Variants in PSD3 observed in about 807,000 individuals in gnomAD.
The protein encoded by PSD3 is PH and SEC7 domain-containing protein 3.
PSD3 carries 49 observed loss-of-function variants against 105.5 expected under a neutral mutation model. That is an observed-to-expected ratio of 0.46 (90% CI 0.37 to 0.59). The LOEUF is 0.59. Ranked by LOEUF, PSD3 falls within the 20% of genes least tolerant of loss-of-function variation. The pLI, the probability that PSD3 is intolerant of heterozygous loss-of-function variation, is 0.00. For missense variants in PSD3, 1,561 were observed against 1,263.8 expected, an observed-to-expected ratio of 1.24 and a Z score of -3.57; for synonymous variants, 557 against 457.8, an observed-to-expected ratio of 1.22 and a Z score of -2.77.
chr8:18,821,652 T>C (rs1812715830), intron 4 of PSD3, among the ~76,000 whole-genome samples: 1 of 150,448 alleles, frequency 6.6e-6, no homozygotes, highest in African/African-American at 2.4e-5. Flanking sequence ...TAAATAGCAA[T>C]GTCATTTTAA....
intron 2 of PSD3, among the ~76,000 whole-genome samples, chr8:18,910,815 A>G (rs1820168959): frequency 6.6e-6 from 1 of 152,088 alleles, no homozygotes; most frequent in African/African-American, 2.4e-5. Context: ...TTATTTTAAC[A>G]AAGAAATTGT....
intron 10 of PSD3, among the ~76,000 whole-genome samples, chr8:18,649,372 C>T (rs750472835): frequency 3.2e-4 from 49 of 152,222 alleles, no homozygotes; most frequent in Non-Finnish European, 4.9e-4. Flanking sequence ...TAATGACTGT[C>T]CTGCCGGGGT....
At chr8:18,574,107 T>A (rs1045664184) in intron 13 of PSD3, among the ~76,000 whole-genome samples, 2 of 152,066 alleles carry the variant, frequency 1.3e-5, no homozygotes, top group Non-Finnish European at 2.9e-5. Context: ...GTAGAAATGA[T>A]CATGAATCAG....
At chr8:18,883,199 T>C (rs1400009495) in intron 2 of PSD3, among the ~76,000 whole-genome samples, 1 of 152,144 alleles carries the variant, frequency 6.6e-6, no homozygotes, top group African/African-American at 2.4e-5. Context: ...TACAACAATA[T>C]CTACAAGTCA....
intron 1 of PSD3, chr8:19,000,071 A>C (rs1452281424): frequency 6.6e-6 from 1 of 151,092 alleles, no homozygotes; most frequent in African/African-American, 2.4e-5. Flanking sequence ...AGCCACACCG[A>C]GAAGGTAGGA....
chr8:18,870,217 C>T (rs2129457110), intron 3 of PSD3, among the ~76,000 whole-genome samples: 1 of 152,168 alleles, frequency 6.6e-6, no homozygotes, highest in African/African-American at 2.4e-5. Context: ...CAACCCTCGG[C>T]CTTGACACAG....
chr8:18,845,122 G>C (rs1269798476), intron 4 of PSD3, among the ~76,000 whole-genome samples: 3 of 152,106 alleles, frequency 2.0e-5, no homozygotes, highest in South Asian at 4.1e-4. Context: ...ATGGTATCTT[G>C]TCTATTAGAA....
chr8:18,560,225 A>G (rs1468023732), intron 14 of PSD3, among the ~76,000 whole-genome samples: 1 of 150,350 alleles, frequency 6.7e-6, no homozygotes, highest in Non-Finnish European at 1.5e-5. Context: ...AAAAAACAAC[A>G]ACAGCAACAA....
rs968789979 is a variant in PSD3 at position 18,997,759 on chromosome 8, C to A, written c.21+15804G>T. The stretch of plus-strand genomic sequence containing the variant: ...CTCAGGGCTCTGCACCTGCTGTGCC[C>A]TCTTCCCGGTGCACTTACCTTCCTT... On this transcript the variant is annotated intron_variant, in intron 1 of 15. Coordinates refer to ENST00000327040, the MANE Select transcript of PSD3 (RefSeq NM_015310.4). Among the ~76,000 whole-genome samples the A allele has an allele frequency of 6.0e-5, 8 of 132,710 alleles. 1 individual carries two copies. The Middle Eastern group carries it at 0.016, about 259-fold the overall frequency. 87.1% of individuals were successfully genotyped at this position (132,710 alleles called of 152,430 possible).
chr8:18,959,065 C>G (rs1054943837), intron 1 of PSD3, among the ~76,000 whole-genome samples: 2 of 151,692 alleles, frequency 1.3e-5, no homozygotes, highest in African/African-American at 2.4e-5. Context: ...GGACTACAGG[C>G]ACACATCATC....
intron 2 of PSD3, among the ~76,000 whole-genome samples, chr8:18,910,665 G>C (rs1305343929): frequency 7.4e-6 from 1 of 134,490 alleles, no homozygotes; most frequent in Non-Finnish European, 1.6e-5. Flanking sequence ...AAAAAGAAAA[G>C]TCTGATGCCC....
At chr8:18,835,097 G>T (rs1813996874) in intron 4 of PSD3, among the ~76,000 whole-genome samples, 1 of 152,160 alleles carries the variant, frequency 6.6e-6, no homozygotes, top group African/African-American at 2.4e-5. Context: ...AGAAATACAG[G>T]CACTCATACA....
At chr8:18,738,503 C>A (rs1271363671) in intron 9 of PSD3, among the ~76,000 whole-genome samples, 1 of 152,102 alleles carries the variant, frequency 6.6e-6, no homozygotes, top group Non-Finnish European at 1.5e-5. Context: ...CAGAATCTAC[C>A]ACATGCTAAA....
rs1345355767 is a variant in PSD3 at position 18,605,334 on chromosome 8, ACTGGCCTT to A, written c.2411-4908_2411-4901del. Among the ~76,000 whole-genome samples the A allele has an allele frequency of 2.0e-5, 3 of 151,722 alleles. No homozygotes were observed. The East Asian group carries it at 5.9e-4, about 30-fold the overall frequency. ...TTTTTTGGATCTTTAAAATTTAATG[ACTGGCCTT>A]CTGGGTTTCAGACTTCTATGGAGCC... is the stretch of plus-strand genomic sequence containing the variant. On this transcript the variant is annotated intron_variant, in intron 11 of 15. Transcript: ENST00000327040.
intron 1 of PSD3, among the ~76,000 whole-genome samples, chr8:18,986,605 G>A (rs1316117640): frequency 6.7e-6 from 1 of 150,304 alleles, no homozygotes; most frequent in Non-Finnish European, 1.5e-5. Context: ...AATCTCACAA[G>A]CATTTTATTA....
chr8:18,856,524 G>A lies in PSD3; in HGVS notation c.1634+11150C>T, dbSNP rs577490781. 2.6e-5 allele frequency among the ~76,000 whole-genome samples: 4 copies of A among 152,240 alleles called. No individual in the cohort carries two copies. The East Asian group carries it at 7.7e-4, about 29-fold the overall frequency. On this transcript the variant is annotated intron_variant, in intron 4 of 15. Transcript: ENST00000327040. ...ATCCTCAAATAGTTGCTAAGTGAAT[G>A]CCAACTACGAATAATGAAATTTTAG...
intron 1 of PSD3, among the ~76,000 whole-genome samples, chr8:18,948,230 T>G (rs1428603448): frequency 6.6e-6 from 1 of 152,216 alleles, no homozygotes; most frequent in South Asian, 2.1e-4. Flanking sequence ...AATTCACAAA[T>G]GAAGCAGATA....
chr8:18,991,470 G>A (rs908437141), intron 1 of PSD3, among the ~76,000 whole-genome samples: 1 of 151,960 alleles, frequency 6.6e-6, no homozygotes, highest in African/African-American at 2.4e-5. Flanking sequence ...AGGGTCAACT[G>A]TGACCTACAG....
At chr8:18,912,486 T>C (rs1369914476) in intron 2 of PSD3, among the ~76,000 whole-genome samples, 3 of 152,220 alleles carry the variant, frequency 2.0e-5, no homozygotes, top group Non-Finnish European at 2.9e-5. Context: ...GAAAAAAATA[T>C]ATATATTCTT....
Sources: gnomAD v4.1 joint callset for allele counts (sites outside exome capture counted in the v4.1 genomes callset) on GRCh38, gnomAD v4.1.1 for gene constraint, MANE v1.5 for transcripts, NCBI Gene and HGNC (gene_info 2026-07-23, HGNC 2026-07-21) for gene names.